P2RY10: variants seen among roughly 807,000 people sequenced by gnomAD.
The protein encoded by P2RY10 is P2Y receptor family member 10, also known as putative P2Y purinoceptor 10.
In P2RY10, 4 loss-of-function variants were observed where a neutral mutation model predicts 12.1. The ratio of observed to expected loss-of-function variants is 0.33; its 90% confidence interval spans 0.16 to 0.76. The LOEUF (loss-of-function observed/expected upper bound fraction) is 0.76. Among genes scored for constraint, P2RY10 ranks in the 30% least tolerant of loss-of-function variants. P2RY10 has a pLI of 0.61. For missense variants in P2RY10, 233 were observed against 264.6 expected (o/e 0.88, Z 0.83); for synonymous variants, 112 against 94.1 (o/e 1.19, Z -1.10).
chrX:78,961,489 G>C lies in P2RY10; in HGVS notation c.969G>C (p.Val323=), dbSNP rs758086133. ...RDQLSRHGSS[V]TRSRLMSKES... ...AACTATCCCGCCATGGCAGTTCTGT[G>C]ACCCGCTCCCGCCTCATGAGCAAGG... Residue 323 remains valine (V), a synonymous_variant, in exon 4 of 4, where the codon GTG becomes GTC. Coordinates refer to ENST00000171757, the MANE Select transcript of P2RY10 (RefSeq NM_014499.4). 8.3e-7 allele frequency: 1 copy of C among 1,210,158 alleles called. No individual in the cohort carries two copies. The highest frequency in any genetic ancestry group is 3.0e-5 in the East Asian group (1 of 33,817).
rs748174801 is a variant in P2RY10, at chrX:78,960,916, C to CT, written c.402dup (p.Leu135SerfsTer13). The CT allele has an allele frequency of 8.3e-7, 1 of 1,211,117 alleles. No individual in the cohort carries two copies. On this transcript the variant is annotated frameshift_variant, in exon 4 of 4. Transcript: ENST00000171757. ...TGACGTGCATCAGTCTTCAAAGGTG[C>CT]TTTTTTCTCCTCAAGCCCTTCAGGG...
chrX:78,948,518 G>A (rs187843914), intron 2 of P2RY10, among the ~76,000 whole-genome samples: 24 of 111,046 alleles, frequency 2.2e-4, no homozygotes, highest in Admixed American at 1.9e-3. Context: ...TGTTGCATGG[G>A]TAAATTATAT....
At chrX:78,960,298 G>A (rs778738625) in intron 3 of P2RY10, among the ~76,000 whole-genome samples, 19 of 111,866 alleles carry the variant, frequency 1.7e-4, no homozygotes, top group Non-Finnish European at 2.6e-4. Context: ...GGAGGGTGCA[G>A]TTGTGGGACA....
intron 2 of P2RY10, among the ~76,000 whole-genome samples, chrX:78,948,737 GTTACT>G (rs776124709): frequency 8.1e-5 from 9 of 111,465 alleles, no homozygotes; most frequent in African/African-American, 2.6e-4. Flanking sequence ...TCACTCCTGT[GTTACT>G]TTACTTAGAA....
intron 1 of P2RY10, among the ~76,000 whole-genome samples, chrX:78,946,602 A>T (rs149486148): frequency 8.9e-6 from 1 of 112,292 alleles, no homozygotes; most frequent in Non-Finnish European, 1.9e-5. Flanking sequence ...ATTATGATGT[A>T]TATTAATTGG....
chrX:78,951,864 C>T (rs2147266137), intron 2 of P2RY10, among the ~76,000 whole-genome samples: 1 of 111,495 alleles, frequency 9.0e-6, no homozygotes, highest in South Asian at 3.8e-4. Context: ...CATCCCATCA[C>T]CTAGTTATTA....
rs1396415339 is a variant in P2RY10 at position 78,952,217 on chromosome X, C to T, written c.-132C>T. The T allele has an allele frequency of 8.0e-6, 6 of 750,356 alleles. No homozygotes were observed. Among genetic ancestry groups the T allele is most frequent in the Non-Finnish European group, 9.4e-6 (6 of 635,917 alleles). The allele number at this position is 750,356 out of a possible 1,213,427, so 61.8% of individuals were successfully genotyped here. A position where few individuals can be genotyped will look rare whatever the true frequency, so the allele number is the denominator to read the frequency against. ...GGTTAAAACTCTATGCTGGTCATTC[C>T]CTTCAGGATTTGGCACTCACCAACA... is the stretch of plus-strand genomic sequence containing the variant. On this transcript the variant is annotated 5_prime_UTR_variant, in exon 3 of 4. Transcript: ENST00000171757.
Position 78,952,288 on chromosome X carries a change from C to G in P2RY10, c.-61C>G. ...AGGCATCTCTTTTAATGGTCCTGACCTTTGGAATAGGAAGCATGTACCCTG... is the reference window on the plus strand; with the variant it reads ...AGGCATCTCTTTTAATGGTCCTGACGTTTGGAATAGGAAGCATGTACCCTG... On this transcript the variant is annotated 5_prime_UTR_variant, in exon 3 of 4. Transcript: ENST00000171757. The G allele has an allele frequency of 1.3e-6, 1 of 751,744 alleles. No individual in the cohort carries two copies. Among genetic ancestry groups the G allele is most frequent in the Non-Finnish European group, 1.6e-6 (1 of 637,183 alleles). The allele number at this position is 751,744 out of a possible 1,213,427, so 62.0% of individuals were successfully genotyped here.
chrX:78,954,133 A>G (rs1228044780), intron 3 of P2RY10, among the ~76,000 whole-genome samples: 1 of 111,832 alleles, frequency 8.9e-6, no homozygotes, highest in African/African-American at 3.3e-5. Context: ...TGGGCATCCC[A>G]ATGTGCTGGG....
chrX:78,946,346 G>A (rs1331563084), intron 1 of P2RY10, among the ~76,000 whole-genome samples: 1 of 111,286 alleles, frequency 9.0e-6, no homozygotes, highest in Non-Finnish European at 1.9e-5. Flanking sequence ...CATTTTTTCA[G>A]TTATTATTGC....
At chrX:78,951,717 C>A (rs1467137620) in intron 2 of P2RY10, among the ~76,000 whole-genome samples, 1 of 111,684 alleles carries the variant, frequency 9.0e-6, no homozygotes, top group East Asian at 2.8e-4. Flanking sequence ...TCAGGAACAT[C>A]TTTAGAGCCA....
rs1922698254 is a variant in P2RY10 at position 78,962,784 on chromosome X, A to G, written c.*1244A>G. Among the ~76,000 whole-genome samples, 3 of 111,903 alleles carry G rather than the reference A, an allele frequency of 2.7e-5. No individual in the cohort carries two copies. Among genetic ancestry groups the G allele is most frequent in the African/African-American group, 9.7e-5 (3 of 30,833 alleles). On this transcript the variant is annotated 3_prime_UTR_variant, in exon 4 of 4. Coordinates refer to ENST00000171757, the MANE Select transcript of P2RY10 (RefSeq NM_014499.4). ...TACAAACCTCATAAGTAGGTGAAAA[A>G]AAAAACCCTGTGGAGTGATAAACAT...
chrX:78,953,360 C>A (rs1922192192), intron 3 of P2RY10, among the ~76,000 whole-genome samples: 1 of 111,561 alleles, frequency 9.0e-6, no homozygotes, highest in Admixed American at 9.5e-5. Context: ...TAGTGAAGCT[C>A]AGTCATTATG....
At chrX:78,950,172 G>A (rs1183934594) in intron 2 of P2RY10, among the ~76,000 whole-genome samples, 1 of 111,301 alleles carries the variant, frequency 9.0e-6, no homozygotes, top group Non-Finnish European at 1.9e-5. Context: ...GATGAGTGGT[G>A]AAAAGACAGG....
intron 3 of P2RY10, among the ~76,000 whole-genome samples, chrX:78,955,225 C>A (rs1456965607): frequency 2.7e-5 from 3 of 111,704 alleles, no homozygotes; most frequent in Non-Finnish European, 5.6e-5. Context: ...TGTTGCTATT[C>A]ACTGATTGTG....
rs1486783488 is a variant in P2RY10, at chrX:78,962,688, T to C, written c.*1148T>C. Among the ~76,000 whole-genome samples the C allele has an allele frequency of 9.0e-6, 1 of 110,514 alleles. No individual in the cohort carries two copies. Among genetic ancestry groups the C allele is most frequent in the Non-Finnish European group, 1.9e-5 (1 of 52,909 alleles). On this transcript the variant is annotated 3_prime_UTR_variant, in exon 4 of 4. Coordinates refer to ENST00000171757, the MANE Select transcript of P2RY10 (RefSeq NM_014499.4). ...GTTCCAAGGTAGAGAATCCTGATGA[T>C]AAGGAGTATAGGAAACTCAAATAGT... is the stretch of plus-strand genomic sequence containing the variant.
chrX:78,951,275 A>G (rs1444354225), intron 2 of P2RY10, among the ~76,000 whole-genome samples: 1 of 112,213 alleles, frequency 8.9e-6, no homozygotes, highest in Non-Finnish European at 1.9e-5. Flanking sequence ...ATTAAGTTTA[A>G]GGGATTCCTG....
chrX:78,950,311 C>T (rs1181479195), intron 2 of P2RY10, among the ~76,000 whole-genome samples: 12 of 110,484 alleles, frequency 1.1e-4, no homozygotes, highest in African/African-American at 4.0e-4. Flanking sequence ...CAAATGAGAG[C>T]TAGAAGGGAG....
chrX:78,960,675 A>G lies in P2RY10; in HGVS notation c.155A>G (p.Asn52Ser). ...ATATTCATTCCTGGTCTTCTGGCTA[A>G]CAGTGCAGCCTTGTGGGTTCTGTGC... ...ILIFIPGLLANSAALWVLCRF... is the reference protein window; with the variant it reads ...ILIFIPGLLASSAALWVLCRF... Residue 52 changes from asparagine to serine, a missense_variant, in exon 4 of 4, where the codon AAC (asparagine) becomes AGC (serine). Asn to Ser is a conservative substitution (Grantham distance 46). Transcript: ENST00000171757. The G allele has an allele frequency of 8.3e-7, 1 of 1,211,689 alleles. No homozygotes were observed. Among genetic ancestry groups the G allele is most frequent in the Non-Finnish European group, 1.1e-6 (1 of 895,327 alleles).
Sources: allele counts gnomAD v4.1 joint callset (sites outside exome capture counted in the v4.1 genomes callset), GRCh38; gene constraint gnomAD v4.1.1; transcripts MANE v1.5; gene names NCBI Gene and HGNC (gene_info 2026-07-23, HGNC 2026-07-21).